The following KIAA1328 variants were observed in gnomAD, a reference collection of about 807,000 sequenced individuals.
KIAA1328 encodes protein hinderin.
KIAA1328 carries 52 observed loss-of-function variants against 68.1 expected under a neutral mutation model. That is an observed-to-expected ratio of 0.76 (90% confidence interval 0.61 to 0.96). The LOEUF (loss-of-function observed/expected upper bound fraction) is 0.96, where lower values mean the gene tolerates loss of function less well. Among genes scored for constraint, KIAA1328 ranks in the 40% least tolerant of loss-of-function variants. The pLI is 0.00. For synonymous variants in KIAA1328, 232 were observed against 239.4 expected, an observed-to-expected ratio of 0.97 and a Z score of 0.28; for missense variants, 641 against 677.6, an observed-to-expected ratio of 0.95 and a Z score of 0.60.
intron 3 of KIAA1328, among the ~76,000 whole-genome samples, chr18:36,838,710 G>A (rs1228756455): frequency 1.3e-5 from 2 of 151,896 alleles, no homozygotes; most frequent in East Asian, 1.9e-4. Flanking sequence ...CACTGGTTTT[G>A]AGCAATTTGG....
chr18:36,849,721 A>G (rs755797180), intron 4 of KIAA1328, among the ~76,000 whole-genome samples: 5 of 152,058 alleles, frequency 3.3e-5, no homozygotes, highest in Non-Finnish European at 7.4e-5. Flanking sequence ...GTTATTTTGT[A>G]CATACCCAGG....
intron 5 of KIAA1328, among the ~76,000 whole-genome samples, chr18:36,933,474 C>G: frequency 6.6e-6 from 1 of 152,164 alleles, no homozygotes; most frequent in Non-Finnish European, 1.5e-5. Flanking sequence ...TTTCTCAGAC[C>G]AGCCCTGCAC....
chr18:37,182,880 T>C (rs2059724228), intron 9 of KIAA1328, among the ~76,000 whole-genome samples: 1 of 152,222 alleles, frequency 6.6e-6, no homozygotes, highest in South Asian at 2.1e-4. Flanking sequence ...CAGTGTTAGC[T>C]TTCTTCTGTG....
intron 5 of KIAA1328, among the ~76,000 whole-genome samples, chr18:36,940,277 T>C (rs1369711481): frequency 2.0e-5 from 3 of 152,324 alleles, no homozygotes; most frequent in South Asian, 2.1e-4. Flanking sequence ...CTTGATAAAA[T>C]GCAGAATCGA....
intron 6 of KIAA1328, among the ~76,000 whole-genome samples, chr18:37,045,198 A>T (rs931432218): frequency 1.3e-5 from 2 of 152,164 alleles, no homozygotes; most frequent in Admixed American, 6.5e-5. Context: ...CAAAATGGAA[A>T]ATTTAATCCA....
chr18:37,156,936 A>G (rs538750597), intron 7 of KIAA1328, among the ~76,000 whole-genome samples: 4 of 152,214 alleles, frequency 2.6e-5, no homozygotes, highest in Non-Finnish European at 5.9e-5. Context: ...AAGTACTAAG[A>G]GGGAAGAGGA....
chr18:37,128,195 A>G, intron 7 of KIAA1328, among the ~76,000 whole-genome samples: 1 of 152,202 alleles, frequency 6.6e-6, no homozygotes, highest in Non-Finnish European at 1.5e-5. Context: ...TAGGCTGGGC[A>G]TGGTGACTCA....
intron 9 of KIAA1328, among the ~76,000 whole-genome samples, chr18:37,217,850 G>C (rs1466565982): frequency 6.6e-6 from 1 of 152,130 alleles, no homozygotes; most frequent in African/African-American, 2.4e-5. Flanking sequence ...CATATTTCTT[G>C]GAGGCTTTGT....
At chr18:37,100,611 A>C (rs1464278907) in intron 7 of KIAA1328, among the ~76,000 whole-genome samples, 1 of 152,208 alleles carries the variant, frequency 6.6e-6, no homozygotes, top group Admixed American at 6.5e-5. Flanking sequence ...ATAGCCAAAC[A>C]AAAGGCAGCA....
chr18:37,000,760 G>A (rs1296235331), intron 6 of KIAA1328, among the ~76,000 whole-genome samples: 3 of 151,900 alleles, frequency 2.0e-5, no homozygotes, highest in Admixed American at 6.6e-5. Flanking sequence ...ATACAAATAC[G>A]TGGAAATTAA....
intron 6 of KIAA1328, among the ~76,000 whole-genome samples, chr18:36,984,138 G>C (rs2052809166): frequency 6.6e-6 from 1 of 152,030 alleles, no homozygotes; most frequent in Admixed American, 6.6e-5. Context: ...TTTTACAACT[G>C]TTAATAACAT....
intron 6 of KIAA1328, among the ~76,000 whole-genome samples, chr18:36,975,061 C>T (rs1055538415): frequency 6.6e-6 from 1 of 151,802 alleles, no homozygotes; most frequent in African/African-American, 2.4e-5. Context: ...GTCTTGAGTG[C>T]AGAAGAGAGA....
At chr18:36,986,141 C>A (rs980281597) in intron 6 of KIAA1328, among the ~76,000 whole-genome samples, 1 of 151,686 alleles carries the variant, frequency 6.6e-6, no homozygotes, top group South Asian at 2.1e-4. Context: ...CATATAGTTA[C>A]ACACTGGTAT....
intron 4 of KIAA1328, among the ~76,000 whole-genome samples, chr18:36,877,478 A>C (rs2048167924): frequency 6.7e-6 from 1 of 149,474 alleles, no homozygotes; most frequent in South Asian, 2.1e-4. Flanking sequence ...TTTATCAGAG[A>C]ATAGGATTGC....
In KIAA1328 at chr18:37,223,944, T is replaced by C; in HGVS notation, c.*1717T>C. On this transcript the variant is annotated 3_prime_UTR_variant, in exon 10 of 10. Coordinates refer to ENST00000280020, the MANE Select transcript of KIAA1328 (RefSeq NM_020776.3). ...ATCATTCCCTTAAAAAGTTGGAAAA[T>C]CATTACAGATTAAAATTTCTTTATA... 1 of 985,050 alleles carries C rather than the reference T, an allele frequency of 1.0e-6. No individual in the cohort carries two copies. Among genetic ancestry groups the C allele is most frequent in the African/African-American group, 1.7e-5 (1 of 57,318 alleles). 61.0% of individuals were successfully genotyped at this position (985,050 alleles called of 1,614,324 possible).
chr18:37,198,850 AC>A (rs933005383), intron 9 of KIAA1328, among the ~76,000 whole-genome samples: 1 of 152,220 alleles, frequency 6.6e-6, no homozygotes, highest in African/African-American at 2.4e-5. Flanking sequence ...GGAGAGCAAA[AC>A]AGCTGATTCA....
At chr18:36,949,453 A>T (rs976655784) in intron 5 of KIAA1328, among the ~76,000 whole-genome samples, 1 of 152,130 alleles carries the variant, frequency 6.6e-6, no homozygotes, top group Admixed American at 6.5e-5. Flanking sequence ...TTAAACATTT[A>T]AATAAGTGTC....
intron 5 of KIAA1328, among the ~76,000 whole-genome samples, chr18:36,953,995 C>CTTTTTTTT (rs71168249): frequency 1.2e-4 from 14 of 113,536 alleles, no homozygotes; most frequent in Non-Finnish European, 1.4e-4. Context: ...CTGATTGTTT[C>CTTTTTTTT]TTTTTTTTTT....
At chr18:37,113,572 C>T (rs1449041198) in intron 7 of KIAA1328, among the ~76,000 whole-genome samples, 1 of 152,108 alleles carries the variant, frequency 6.6e-6, no homozygotes, top group Non-Finnish European at 1.5e-5. Context: ...TTGTAAAGAC[C>T]ATTGATGCTA....
Sources: gnomAD v4.1 joint callset for allele counts (sites outside exome capture counted in the v4.1 genomes callset) on GRCh38, gnomAD v4.1.1 for gene constraint, MANE v1.5 for transcripts, NCBI Gene and HGNC (gene_info 2026-07-23, HGNC 2026-07-21) for gene names.